CIT: variants seen among roughly 807,000 people sequenced by gnomAD.
CIT encodes the protein citron rho-interacting serine/threonine kinase, also known as citron Rho-interacting kinase.
In CIT, 79 loss-of-function variants were observed where a neutral mutation model predicts 272.7. The ratio of observed to expected loss-of-function variants is 0.29; its 90% CI spans 0.24 to 0.35. The LOEUF (loss-of-function observed/expected upper bound fraction) is 0.35. Ranked by LOEUF, CIT falls within the 10% of genes least tolerant of loss-of-function variation. CIT has a pLI of 1.00. For synonymous variants in CIT, 948 were observed against 995.6 expected, an observed-to-expected ratio of 0.95 and a Z score of 0.90; for missense variants, 1,909 against 2,618.3, an observed-to-expected ratio of 0.73 and a Z score of 5.91.
intron 21 of CIT, among the ~76,000 whole-genome samples, chr12:119,758,357 C>A (rs1029713816): frequency 3.3e-5 from 5 of 152,120 alleles, no homozygotes; most frequent in Non-Finnish European, 2.9e-5. Context: ...TTAGAGAGAG[C>A]AAAACACTCT....
At chr12:119,781,998 C>CCT (rs1359702841) in intron 13 of CIT, among the ~76,000 whole-genome samples, 3 of 152,176 alleles carry the variant, frequency 2.0e-5, no homozygotes, top group Non-Finnish European at 4.4e-5. Context: ...CAACCACTCA[C>CCT]CTCTGACTCT....
intron 28 of CIT, 69 bp from the exon 29 acceptor site, chr12:119,721,518 T>C: frequency 7.2e-7 from 1 of 1,381,562 alleles, no homozygotes; most frequent in East Asian, 2.5e-5. Flanking sequence ...CTGCTGTTCC[T>C]ATTTCAAACT....
Position 119,770,640 on chromosome 12 carries a change from G to T in CIT, c.2208+145C>A. 1 of 819,290 alleles carries T rather than the reference G, an allele frequency of 1.2e-6. No individual in the cohort carries two copies. 50.8% of individuals were successfully genotyped at this position (819,290 alleles called of 1,614,324 possible). On this transcript the variant is annotated intron_variant, in intron 18 of 47. Transcript: ENST00000392521. The surrounding 1 kb of genome is among the most constrained non-coding windows in gnomAD (Gnocchi z 4.4). ...TTGGTTATTCATACTACTCTACGAT[G>T]TGGCATATGCTGAAACCACCTCACT...
chr12:119,751,979 C>T lies in CIT; in HGVS notation c.2904+71G>A, dbSNP rs566727417. On this transcript the variant is annotated intron_variant, in intron 23 of 47. Transcript: ENST00000392521. ...GAATTTCTAAGGGTGAGCCAGTATA[C>T]TCAGTGCCAGTTCCACACTCATCCT... is the stretch of plus-strand genomic sequence containing the variant. 8 of 1,344,492 alleles carry T rather than the reference C, an allele frequency of 6.0e-6. No individual in the cohort carries two copies. In the East Asian group the frequency reaches 7.1e-5, roughly 12 times the overall value. 83.3% of individuals were successfully genotyped at this position (1,344,492 alleles called of 1,614,324 possible). A position where few individuals can be genotyped will look rare whatever the true frequency, so the allele number is the denominator to read the frequency against.
At position 119,784,646 on chromosome 12, in the gene CIT, A is replaced by C; in HGVS notation, c.1401+314T>G. On this transcript the variant is annotated intron_variant, in intron 11 of 47. Coordinates refer to ENST00000392521, the MANE Select transcript of CIT (RefSeq NM_001206999.2). This position sits in a 1 kb window ranked among gnomAD's most constrained non-coding sequence, Gnocchi z 4.7. Reference sequence around the variant, plus strand: ...CTTCGCATCACTCAAAGCAGATGGGATGTATCTCAGCCACAGGTGAGGACC... The same window carrying C: ...CTTCGCATCACTCAAAGCAGATGGGCTGTATCTCAGCCACAGGTGAGGACC... 1 of 1,252,436 alleles carries C rather than the reference A, an allele frequency of 8.0e-7. No homozygotes were observed. The highest frequency in any genetic ancestry group is 1.0e-6 in the Non-Finnish European group (1 of 993,100). 77.6% of individuals were successfully genotyped at this position (1,252,436 alleles called of 1,614,324 possible).
rs765763044 is a variant in CIT, at chr12:119,717,414, C to CTTTTT, written c.4168+830_4168+831insAAAAA. ...ATTTTTTCATATTCTTTTTTCTTTT[C>CTTTTT]TTTTCTTTTTTTTTTTTTTTTTTTG... On this transcript the variant is annotated intron_variant, in intron 32 of 47. Transcript: ENST00000392521. Among the ~76,000 whole-genome samples the CTTTTT allele has an allele frequency of 1.7e-3, 189 of 109,380 alleles. 2 individuals are homozygous for CTTTTT. The highest frequency in any genetic ancestry group is 4.0e-3 in the African/African-American group (103 of 25,564). The allele number at this position is 109,380 out of a possible 152,430, so 71.8% of individuals were successfully genotyped here. A position where few individuals can be genotyped will look rare whatever the true frequency, so the allele number is the denominator to read the frequency against.
chr12:119,700,590 T>G, intron 44 of CIT, 155 bp downstream of exon 44: 1 of 640,118 alleles, frequency 1.6e-6, no homozygotes, highest in Admixed American at 2.5e-5. Flanking sequence ...GCCATGTTGG[T>G]CAGGCTGGGC....
chr12:119,723,814 A>T (rs923123436), intron 28 of CIT, among the ~76,000 whole-genome samples: 2 of 152,222 alleles, frequency 1.3e-5, no homozygotes, highest in African/African-American at 2.4e-5. Flanking sequence ...CAATGATGTG[A>T]TCAAAACTAC....
chr12:119,789,114 C>T (rs7135112), intron 10 of CIT, among the ~76,000 whole-genome samples: 3,601 of 152,228 alleles, frequency 0.024, 135 homozygotes, highest in African/African-American at 0.083. Context: ...GTATAGGCCC[C>T]ATTCAGACCA....
intron 32 of CIT, among the ~76,000 whole-genome samples, chr12:119,717,776 A>G (rs1188166461): frequency 6.6e-6 from 1 of 150,970 alleles, no homozygotes; most frequent in Non-Finnish European, 1.5e-5. Flanking sequence ...TGAATGGTAT[A>G]GACATGTGGT....
chr12:119,870,549 C>CAA (rs57894300), intron 2 of CIT, among the ~76,000 whole-genome samples: 18,837 of 52,056 alleles, frequency 0.36, 3,743 homozygotes, highest in East Asian at 0.49. Flanking sequence ...GACTCCCTCT[C>CAA]AAAAAAAAAA....
At chr12:119,868,762 T>G (rs918422415) in intron 3 of CIT, among the ~76,000 whole-genome samples, 1 of 152,222 alleles carries the variant, frequency 6.6e-6, no homozygotes, top group Non-Finnish European at 1.5e-5. Context: ...GGTCTTGAAC[T>G]CCTGGGCTCA....
At chr12:119,781,799 T>C (rs1478105497) in intron 13 of CIT, among the ~76,000 whole-genome samples, 1 of 152,248 alleles carries the variant, frequency 6.6e-6, no homozygotes, top group Non-Finnish European at 1.5e-5. Context: ...ATTTCTCTTC[T>C]AGAATATTTC....
chr12:119,794,503 A>G (rs1278076236), intron 10 of CIT, among the ~76,000 whole-genome samples: 1 of 152,232 alleles, frequency 6.6e-6, no homozygotes, highest in Non-Finnish European at 1.5e-5. Context: ...CATCCAGGGG[A>G]TACCCAAGTG....
intron 3 of CIT, among the ~76,000 whole-genome samples, chr12:119,860,847 G>A (rs1319888169): frequency 6.6e-6 from 1 of 150,776 alleles, no homozygotes; most frequent in Non-Finnish European, 1.5e-5. Flanking sequence ...AAGACCAGGC[G>A]CAATGGCTCA....
intron 30 of CIT, among the ~76,000 whole-genome samples, 199 bp downstream of exon 30, chr12:119,720,279 T>C (rs887056279): frequency 1.3e-5 from 2 of 152,242 alleles, no homozygotes; most frequent in Non-Finnish European, 2.9e-5. Context: ...AGTAGTTTGT[T>C]AGACTTGATC....
At chr12:119,772,216 G>A (rs929946824) in intron 17 of CIT, among the ~76,000 whole-genome samples, 5 of 152,090 alleles carry the variant, frequency 3.3e-5, no homozygotes, top group African/African-American at 4.8e-5. Flanking sequence ...GAGAAGAATC[G>A]CTTTTTATCC....
chr12:119,703,926 T>C (rs191707640), intron 41 of CIT, among the ~76,000 whole-genome samples: 20 of 152,232 alleles, frequency 1.3e-4, no homozygotes, highest in Admixed American at 1.2e-3. Flanking sequence ...TAATTACATA[T>C]CAAAATACTG....
intron 32 of CIT, among the ~76,000 whole-genome samples, chr12:119,716,416 T>TAAAAAAAAAA (rs1481968570): frequency 4.8e-4 from 34 of 70,570 alleles, no homozygotes; most frequent in African/African-American, 8.9e-4. Flanking sequence ...AAAAAAAAAG[T>TAAAAAAAAAA]AAAGCTCTTT....
Sources: allele counts gnomAD v4.1 joint callset (sites outside exome capture counted in the v4.1 genomes callset), GRCh38; gene constraint gnomAD v4.1.1; non-coding constraint Gnocchi (gnomAD v3.1); transcripts MANE v1.5; gene names NCBI Gene and HGNC (gene_info 2026-07-23, HGNC 2026-07-21).